The following SEC13 variants were observed in gnomAD, a reference collection of about 807,000 sequenced individuals.
The protein encoded by SEC13 is SEC13 homolog, nuclear pore and COPII component, also known as protein SEC13 homolog.
Under a neutral mutation model 49.2 loss-of-function variants are expected in SEC13, and 25 were observed. The ratio of observed to expected loss-of-function variants is 0.51; its 90% CI spans 0.37 to 0.71. SEC13 has a LOEUF of 0.71. Among genes scored for constraint, SEC13 ranks in the 30% least tolerant of loss-of-function variants. The probability of loss-of-function intolerance (pLI) is 0.00; values close to 1 mark genes in which losing one functional copy is unlikely to be tolerated. For synonymous variants in SEC13, 148 were observed against 163.9 expected (o/e 0.90, Z 0.74); for missense variants, 383 against 417.6 (o/e 0.92, Z 0.72).
At chr3:10,312,177 T>G in intron 4 of SEC13, 79 bp from the exon 5 acceptor site, 1 of 1,492,670 alleles carries the variant, frequency 6.7e-7, no homozygotes. Context: ...ATTTACTGTT[T>G]TACTAAATGT....
intron 3 of SEC13, among the ~76,000 whole-genome samples, chr3:10,314,256 C>T (rs1701464677): frequency 6.6e-6 from 1 of 152,214 alleles, no homozygotes; most frequent in Non-Finnish European, 1.5e-5. Context: ...TTAAGGATTA[C>T]AGGCGTGAGC....
chr3:10,309,678 G>A (rs1453947845), intron 5 of SEC13, among the ~76,000 whole-genome samples: 1 of 152,222 alleles, frequency 6.6e-6, no homozygotes, highest in Non-Finnish European at 1.5e-5. Context: ...GCTCGGTTAT[G>A]TGGGCATGTC....
chr3:10,311,857 G>A (rs749058628), intron 5 of SEC13, 108 bp downstream of exon 5: 19 of 1,602,700 alleles, frequency 1.2e-5, no homozygotes, highest in East Asian at 4.5e-5. Flanking sequence ...ACCACTCCCC[G>A]GCCCACTGTC....
chr3:10,320,461 G>A, intron 1 of SEC13: 1 of 957,322 alleles, frequency 1.0e-6, no homozygotes, highest in Non-Finnish European at 1.2e-6. Flanking sequence ...CCCTGCCTTC[G>A]GAGGGTCGTT....
chr3:10,321,018 C>T lies in SEC13; in HGVS notation c.3+32G>A. The T allele has an allele frequency of 6.2e-7, 1 of 1,610,134 alleles. No homozygotes were observed. The highest frequency in any genetic ancestry group is 8.5e-7 in the Non-Finnish European group (1 of 1,178,646). On this transcript the variant is annotated intron_variant, in intron 1 of 8. Coordinates refer to ENST00000350697, the MANE Select transcript of SEC13 (RefSeq NM_183352.3). The surrounding 1 kb of genome is among the most constrained non-coding windows in gnomAD (Gnocchi z 4.1). ...GTGAAGGCCGCGACCGTGGCCTTCA[C>T]CCTGCTAGGCCTCCTCAGTACCAAC...
chr3:10,306,227 T>C (rs896846575), intron 5 of SEC13, among the ~76,000 whole-genome samples: 4 of 152,174 alleles, frequency 2.6e-5, no homozygotes, highest in African/African-American at 9.7e-5. Flanking sequence ...CTTTGCAGAT[T>C]CCTCCTCTGA....
intron 6 of SEC13, 89 bp from the exon 7 acceptor site, chr3:10,305,245 G>A: frequency 4.7e-6 from 7 of 1,484,400 alleles, no homozygotes; most frequent in Non-Finnish European, 6.3e-6. Flanking sequence ...CTGGGGTGGA[G>A]AAGCGATTCC....
chr3:10,305,304 C>A, intron 6 of SEC13, 148 bp from the exon 7 acceptor site: 1 of 1,248,918 alleles, frequency 8.0e-7, no homozygotes. Flanking sequence ...TTCCCTTCAC[C>A]CCAGCTGTAA....
intron 7 of SEC13, 63 bp from the exon 8 acceptor site, chr3:10,304,235 T>A (rs1020360305): frequency 5.7e-6 from 9 of 1,571,144 alleles, no homozygotes; most frequent in Admixed American, 1.7e-5. Context: ...TGATGTGATG[T>A]CCTCCCAGTC....
rs542592302 is a variant in SEC13 at position 10,315,239 on chromosome 3, C to T, written c.164+82G>A. On this transcript the variant is annotated intron_variant, in intron 3 of 8. Transcript: ENST00000350697. The stretch of plus-strand genomic sequence containing the variant: ...TGGGGTTGCTCTGAATCTGGGCTCC[C>T]ATGCTTTGCTCCCACGCTTGAAGCA... The T allele has an allele frequency of 2.8e-5, 29 of 1,021,212 alleles. No homozygotes were observed. In the African/African-American group the frequency reaches 4.0e-4, roughly 14 times the overall value. The allele number at this position is 1,021,212 out of a possible 1,614,324, so 63.3% of individuals were successfully genotyped here. A position where few individuals can be genotyped will look rare whatever the true frequency, so the allele number is the denominator to read the frequency against.
rs1162388570 is a variant in SEC13, at chr3:10,301,332, T to G, written c.898A>C (p.Ile300Leu). 1.2e-6 allele frequency: 2 copies of G among 1,614,062 alleles called. No homozygotes were observed. The highest frequency in any genetic ancestry group is 1.7e-6 in the Non-Finnish European group (2 of 1,180,044). The change falls in exon 9 of 9, where the codon ATC becomes CTC. Residue 300 changes from isoleucine to leucine, a missense_variant. Transcript: ENST00000350697. ...KESVDGQWVC[I>L]SDVNKGQGSV... ...CCCTGGCCCTTGTTGACATCACTGA[T>G]GCACACCCACTGCCCATCAACTGAC...
intron 3 of SEC13, 153 bp downstream of exon 3, chr3:10,315,168 A>G: frequency 1.6e-6 from 1 of 617,748 alleles, no homozygotes; most frequent in Non-Finnish European, 2.9e-6. Context: ...CGCTGAGGAC[A>G]GCCAGGCTGG....
At chr3:10,319,240 G>A in intron 1 of SEC13, 8 of 1,613,216 alleles carry the variant, frequency 5.0e-6, no homozygotes, top group Non-Finnish European at 5.9e-6. Flanking sequence ...CTGCAAAGCA[G>A]TTCAAGAGGT....
intron 8 of SEC13, 130 bp downstream of exon 8, chr3:10,303,896 C>A (rs1247853215): frequency 3.2e-6 from 3 of 934,002 alleles, no homozygotes; most frequent in South Asian, 1.4e-5. Flanking sequence ...AAGAGGCACA[C>A]TCAAAACGCA....
intron 3 of SEC13, among the ~76,000 whole-genome samples, chr3:10,314,161 C>G (rs1701459916): frequency 6.6e-6 from 1 of 152,174 alleles, no homozygotes; most frequent in Non-Finnish European, 1.5e-5. Flanking sequence ...GTCATCCAGG[C>G]TGCAGTGCAG....
Position 10,301,038 on chromosome 3 carries a change from T to G in SEC13, c.*223A>C. 1 of 1,571,904 alleles carries G rather than the reference T, an allele frequency of 6.4e-7. No homozygotes were observed. The highest frequency in any genetic ancestry group is 8.7e-7 in the Non-Finnish European group (1 of 1,149,348). ...ACCCAAAATAGATTTGAACATCACTTGTAGTTTCTTCCTCGTAACATGAGT... is the reference window on the plus strand; with the variant it reads ...ACCCAAAATAGATTTGAACATCACTGGTAGTTTCTTCCTCGTAACATGAGT... On this transcript the variant is annotated 3_prime_UTR_variant, in exon 9 of 9. Transcript: ENST00000350697.
intron 1 of SEC13, chr3:10,320,615 T>G (rs1296205746): frequency 7.0e-6 from 7 of 998,416 alleles, no homozygotes; most frequent in Admixed American, 6.0e-5. Context: ...TACTACCACT[T>G]AAGCAGCTGT....
chr3:10,302,077 T>C (rs1346051543), intron 8 of SEC13, among the ~76,000 whole-genome samples: 2 of 151,960 alleles, frequency 1.3e-5, no homozygotes, highest in African/African-American at 2.4e-5. Context: ...ATCTCATCTC[T>C]ACTAAAAATA....
chr3:10,302,192 T>C (rs1435022567), intron 8 of SEC13, among the ~76,000 whole-genome samples: 1 of 152,150 alleles, frequency 6.6e-6, no homozygotes, highest in African/African-American at 2.4e-5. Context: ...GAGCCGAGAC[T>C]GCGCCACTGC....
Sources: gnomAD v4.1 joint callset for allele counts (sites outside exome capture counted in the v4.1 genomes callset) on GRCh38, gnomAD v4.1.1 for gene constraint, Gnocchi (gnomAD v3.1) non-coding constraint, MANE v1.5 for transcripts, NCBI Gene and HGNC (gene_info 2026-07-23, HGNC 2026-07-21) for gene names.